GRIN2A: variants seen among roughly 807,000 people sequenced by gnomAD.
GRIN2A encodes the protein glutamate receptor ionotropic, NMDA 2A.
GRIN2A carries 22 observed loss-of-function variants against 113.4 expected under a neutral mutation model. The observed-to-expected ratio is 0.19, with a 90% confidence interval of 0.14 to 0.28. The LOEUF (loss-of-function observed/expected upper bound fraction) is 0.28, where lower values mean the gene tolerates loss of function less well. Among genes scored for constraint, GRIN2A ranks in the 10% least tolerant of loss-of-function variants. GRIN2A has a pLI of 1.00. For synonymous variants in GRIN2A, 827 were observed against 738.4 expected, an observed-to-expected ratio of 1.12 and a Z score of -1.94; for missense variants, 1,502 against 1,887.0, an observed-to-expected ratio of 0.80 and a Z score of 3.78.
intron 10 of GRIN2A, among the ~76,000 whole-genome samples, chr16:9,799,425 C>A (rs565155240): frequency 1.3e-5 from 2 of 152,330 alleles, no homozygotes; most frequent in South Asian, 4.1e-4. Context: ...GAAGCGTGGT[C>A]CTGCAGATGC....
At chr16:10,039,836 G>C (rs1411922206) in intron 2 of GRIN2A, among the ~76,000 whole-genome samples, 1 of 85,420 alleles carries the variant, frequency 1.2e-5, no homozygotes, top group Non-Finnish European at 2.3e-5. Context: ...AGAGAGAGAG[G>C]AGTCCTGGTC....
chr16:10,164,888 G>C (rs1037627997), intron 2 of GRIN2A, among the ~76,000 whole-genome samples: 3 of 152,178 alleles, frequency 2.0e-5, no homozygotes, highest in Non-Finnish European at 2.9e-5. Flanking sequence ...TAATATTTTT[G>C]TCTAGCCAAT....
chr16:10,128,113 A>G (rs11645379), intron 2 of GRIN2A, among the ~76,000 whole-genome samples: 130,544 of 152,168 alleles, frequency 0.86, 56,543 homozygotes, highest in East Asian at 1. Context: ...ATTTTCATCC[A>G]TTGTTGCTGA....
chr16:10,176,278 T>G (rs913668771), intron 2 of GRIN2A, among the ~76,000 whole-genome samples: 13 of 152,182 alleles, frequency 8.5e-5, no homozygotes, highest in African/African-American at 2.9e-4. Context: ...GTGCTAGGAT[T>G]ACAGGTGTGA....
At chr16:10,047,073 C>A (rs1477784667) in intron 2 of GRIN2A, among the ~76,000 whole-genome samples, 1 of 152,196 alleles carries the variant, frequency 6.6e-6, no homozygotes, top group African/African-American at 2.4e-5. Flanking sequence ...GCTGTCTCCA[C>A]ACATTGCCAA....
intron 7 of GRIN2A, 48 bp from the exon 8 acceptor site, chr16:9,834,278 C>T: frequency 6.2e-7 from 1 of 1,604,464 alleles, no homozygotes; most frequent in East Asian, 2.2e-5. Flanking sequence ...GTTATCTCTT[C>T]CTCACTTCCA....
chr16:10,052,153 C>T (rs2047370141), intron 2 of GRIN2A, among the ~76,000 whole-genome samples: 1 of 152,190 alleles, frequency 6.6e-6, no homozygotes, highest in African/African-American at 2.4e-5. Flanking sequence ...TCATTAAATT[C>T]TACTGTAGGA....
rs1234961838 is a variant in GRIN2A, at chr16:9,763,278, C to T, written c.4266G>A (p.Val1422=). The change falls in exon 13 of 13, where the codon GTG becomes GTA. Residue 1422 remains valine, a synonymous_variant. Transcript: ENST00000330684. ...CSRDSRGHND[V]YISEHVMPYA... is the part of the protein sequence containing the mutation. ...AAGGCATAACATGCTCCGAAATATA[C>T]ACATCATTGTGGCCCCGACTGTCCC... 2 of 1,613,994 alleles carry T rather than the reference C, an allele frequency of 1.2e-6. No individual in the cohort carries two copies. The highest frequency in any genetic ancestry group is 1.7e-5 in the Admixed American group (1 of 59,998).
intron 3 of GRIN2A, among the ~76,000 whole-genome samples, chr16:9,902,091 A>AAC (rs2043940891): frequency 6.9e-6 from 1 of 145,014 alleles, no homozygotes; most frequent in African/African-American, 2.9e-5. Flanking sequence ...GGGTCAAGAG[A>AAC]CTTCTGGTTG....
rs1347324121 is a variant in GRIN2A at position 9,761,195 on chromosome 16, T to C, written c.*1954A>G. 4.3e-6 allele frequency: 1 copy of C among 231,874 alleles called. No individual in the cohort carries two copies. The allele number at this position is 231,874 out of a possible 1,614,324, so 14.4% of individuals were successfully genotyped here. On this transcript the variant is annotated 3_prime_UTR_variant, in exon 13 of 13. Coordinates refer to ENST00000330684, the MANE Select transcript of GRIN2A (RefSeq NM_001134407.3). ...AGGAACACTGTAGGTCAGGTGTACT[T>C]TCCCAAAGATGGAGCTATTCCATGC...
intron 10 of GRIN2A, among the ~76,000 whole-genome samples, chr16:9,818,515 G>T (rs1235805806): frequency 6.8e-6 from 1 of 146,634 alleles, no homozygotes; most frequent in African/African-American, 2.5e-5. Context: ...AAGCTCAAAA[G>T]ACTAAAAAAG....
At chr16:9,805,959 GA>G (rs1341682163) in intron 10 of GRIN2A, among the ~76,000 whole-genome samples, 1 of 152,148 alleles carries the variant, frequency 6.6e-6, no homozygotes, top group East Asian at 1.9e-4. Flanking sequence ...CTGGCTTTGG[GA>G]AAATGGCCTA....
At chr16:9,813,521 C>CG (rs112026092) in intron 10 of GRIN2A, among the ~76,000 whole-genome samples, 1 of 142,364 alleles carries the variant, frequency 7.0e-6, no homozygotes, top group African/African-American at 2.6e-5. Flanking sequence ...TTTTTTTTGC[C>CG]TTTTTTTTTT....
chr16:10,167,444 CAATT>C (rs934357967), intron 2 of GRIN2A, among the ~76,000 whole-genome samples: 1 of 152,048 alleles, frequency 6.6e-6, no homozygotes, highest in Non-Finnish European at 1.5e-5. Flanking sequence ...CCAATGGAAA[CAATT>C]AACCTTTTTC....
chr16:10,007,715 G>A (rs1350344603), intron 2 of GRIN2A, among the ~76,000 whole-genome samples: 5 of 152,010 alleles, frequency 3.3e-5, no homozygotes, highest in Admixed American at 6.6e-5. Context: ...AAAAGTTCTC[G>A]GTAAAGGGAA....
chr16:9,941,541 C>T (rs2044876055), intron 2 of GRIN2A, among the ~76,000 whole-genome samples: 1 of 152,146 alleles, frequency 6.6e-6, no homozygotes. Flanking sequence ...AAACTTCAGC[C>T]CAAGCTGAAT....
In GRIN2A at chr16:10,180,387, G is replaced by C; in HGVS notation, c.25C>G (p.Leu9Val). 15 of 1,607,330 alleles carry C rather than the reference G, an allele frequency of 9.3e-6. No individual in the cohort carries two copies. The highest frequency in any genetic ancestry group is 1.2e-5 in the Non-Finnish European group (14 of 1,179,858). Residue 9 changes from leucine to valine, a missense_variant, in exon 2 of 13, where the codon CTG (leucine) becomes GTG (valine). This residue lies in a region of GRIN2A where 149 missense variants were observed against 179.1 expected (regional missense o/e 0.83). Coordinates refer to ENST00000330684, the MANE Select transcript of GRIN2A (RefSeq NM_001134407.3). The surrounding 1 kb of genome is among the most constrained non-coding windows in gnomAD (Gnocchi z 7.0). ...ACCAGAAGGGCCGGCAGCACCAGCA[G>C]GGTCCAATAGCCCACTCTGCCCATA... is the stretch of plus-strand genomic sequence containing the variant. MGRVGYWTLLVLPALLVWR... is the reference protein window; with the variant it reads MGRVGYWTVLVLPALLVWR...
chr16:10,063,419 C>A (rs1350370415), intron 2 of GRIN2A, among the ~76,000 whole-genome samples: 1 of 152,142 alleles, frequency 6.6e-6, no homozygotes, highest in Admixed American at 6.5e-5. Flanking sequence ...TGTGCATGAG[C>A]CCCGCCTAGC....
At chr16:10,097,637 G>C (rs1181733041) in intron 2 of GRIN2A, among the ~76,000 whole-genome samples, 1 of 152,188 alleles carries the variant, frequency 6.6e-6, no homozygotes, top group Non-Finnish European at 1.5e-5. Context: ...TAGTGAGCCA[G>C]AGGTGGGCAG....
Sources: gnomAD v4.1 joint callset for allele counts (sites outside exome capture counted in the v4.1 genomes callset) on GRCh38, gnomAD v4.1.1 for gene constraint, gnomAD v4.1.1 regional missense constraint, Gnocchi (gnomAD v3.1) non-coding constraint, MANE v1.5 for transcripts, NCBI Gene and HGNC (gene_info 2026-07-23, HGNC 2026-07-21) for gene names.